The following PHACTR2 variants were observed in gnomAD, a reference collection of about 807,000 sequenced individuals.
The protein encoded by PHACTR2 is chromosome 6 open reading frame 56.
PHACTR2 carries 30 observed loss-of-function variants against 76.0 expected under a neutral mutation model. The observed-to-expected ratio is 0.39, with a 90% CI of 0.30 to 0.54. The LOEUF (loss-of-function observed/expected upper bound fraction) is 0.54. Ranked by LOEUF, PHACTR2 falls within the 20% of genes least tolerant of loss-of-function variation. The pLI, the probability that PHACTR2 is intolerant of heterozygous loss-of-function variation, is 0.61. For synonymous variants in PHACTR2, 292 were observed against 292.5 expected, an observed-to-expected ratio of 1.00 and a Z score of 0.02; for missense variants, 696 against 781.1, an observed-to-expected ratio of 0.89 and a Z score of 1.30.
rs34363540 is a variant in PHACTR2 at position 143,678,453 on chromosome 6, G to GT, written c.46+250dup. Among the ~76,000 whole-genome samples, 39,352 of 152,164 alleles carry GT rather than the reference G, an allele frequency of 0.26. 5,118 individuals carry two copies. The highest frequency in any genetic ancestry group is 0.37 in the Middle Eastern group (108 of 294). On this transcript the variant is annotated intron_variant, in intron 1 of 12. Transcript: ENST00000440869. This position sits in a 1 kb window ranked among gnomAD's most constrained non-coding sequence, Gnocchi z 6.2. ...TTTCTGTGCGCGATGCCTCGCTGTG[G>GT]TTTTTTATCCAAATTATTTCGGAGC...
At position 143,740,212 on chromosome 6, in the gene PHACTR2, T is replaced by G. The variant is rs536051540; in HGVS notation, c.215-8773T>G. On this transcript the variant is annotated intron_variant, in intron 2 of 12. Coordinates refer to ENST00000440869, the MANE Select transcript of PHACTR2 (RefSeq NM_001100164.2). ...CATTTGTAAACTGTCATAGCGCTGG[T>G]GGGAGTGTAGCAGTGAGGATGAACA... Among the ~76,000 whole-genome samples, 14 of 152,260 alleles carry G rather than the reference T, an allele frequency of 9.2e-5. No individual in the cohort carries two copies. In the South Asian group the frequency reaches 2.9e-3, roughly 32 times the overall value.
chr6:143,543,227 T>C lies in PHACTR2; in HGVS notation c.217+6020T>C, dbSNP rs570387716. ...TTACTTAAACTAGTTAAGCTCTAGT[T>C]TGTGTCAGTACCTCAGTGGCAGCTC... is the stretch of plus-strand genomic sequence containing the variant. On this transcript the variant is annotated intron_variant, in intron 1 of 11. Transcript: ENST00000367584. This position sits in a 1 kb window ranked among gnomAD's most constrained non-coding sequence, Gnocchi z 4.7. Among the ~76,000 whole-genome samples the C allele has an allele frequency of 6.6e-6, 1 of 152,310 alleles. No homozygotes were observed.
intron 10 of PHACTR2, among the ~76,000 whole-genome samples, chr6:143,786,070 T>G (rs1416424553): frequency 6.6e-6 from 1 of 152,216 alleles, no homozygotes; most frequent in African/African-American, 2.4e-5. Context: ...AAAAAATGGG[T>G]TCTTTTCTGC....
At position 143,828,316 on chromosome 6, in the gene PHACTR2, A is replaced by G. The variant is rs1314493605; in HGVS notation, c.*4627A>G. On this transcript the variant is annotated 3_prime_UTR_variant, in exon 13 of 13. Transcript: ENST00000440869. The surrounding 1 kb of genome is among the most constrained non-coding windows in gnomAD (Gnocchi z 4.7). The stretch of plus-strand genomic sequence containing the variant: ...AAGAAGTAGCACTGGGCTCTACTGT[A>G]AAGGCAGGCAGTGACCAAGAGGTGG... The G allele has an allele frequency of 6.6e-6, 1 of 152,204 alleles. No individual in the cohort carries two copies. The highest frequency in any genetic ancestry group is 1.5e-5 in the Non-Finnish European group (1 of 68,042). 9.4% of individuals were successfully genotyped at this position (152,204 alleles called of 1,614,324 possible).
Position 143,616,977 on chromosome 6 carries a change from G to A in PHACTR2, c.13+8655G>A, listed in dbSNP as rs1263568627. On this transcript the variant is annotated intron_variant, in intron 1 of 11. Transcript: ENST00000305766. The surrounding 1 kb of genome is among the most constrained non-coding windows in gnomAD (Gnocchi z 4.9). ...GTCTGGGGCCTGATGAGAGGTAGGG[G>A]CCTCAGACCAATCAGGGAGGGCCTT... Among the ~76,000 whole-genome samples the A allele has an allele frequency of 6.6e-6, 1 of 152,156 alleles. No homozygotes were observed. The highest frequency in any genetic ancestry group is 1.5e-5 in the Non-Finnish European group (1 of 68,032).
rs1023029910 is a variant in PHACTR2 at position 143,828,604 on chromosome 6, G to A, written c.*4915G>A. The stretch of plus-strand genomic sequence containing the variant: ...TCCCACCTAAAGCCAACCCTATAAG[G>A]ATGGGTCATTTTTTAGCCATGCTAG... On this transcript the variant is annotated 3_prime_UTR_variant, in exon 13 of 13. Transcript: ENST00000440869. This position sits in a 1 kb window ranked among gnomAD's most constrained non-coding sequence, Gnocchi z 4.7. 2 of 152,120 alleles carry A rather than the reference G, an allele frequency of 1.3e-5. No individual in the cohort carries two copies. Among genetic ancestry groups the A allele is most frequent in the African/African-American group, 2.4e-5 (1 of 41,416 alleles). The allele number at this position is 152,120 out of a possible 1,614,324, so 9.4% of individuals were successfully genotyped here. A position where few individuals can be genotyped will look rare whatever the true frequency, so the allele number is the denominator to read the frequency against.
intron 12 of PHACTR2, among the ~76,000 whole-genome samples, chr6:143,808,819 C>G (rs796178037): frequency 6.6e-6 from 1 of 152,280 alleles, no homozygotes; most frequent in South Asian, 2.1e-4. Flanking sequence ...TCATAATCTA[C>G]TCTGAGACCA....
intron 1 of PHACTR2, among the ~76,000 whole-genome samples, chr6:143,563,478 C>T (rs1775309669): frequency 6.8e-6 from 1 of 147,318 alleles, no homozygotes; most frequent in Admixed American, 7.0e-5. Context: ...ATTATTTGAA[C>T]CCGGGAGGTG....
In PHACTR2 at chr6:143,709,890, T is replaced by C. The variant is rs1276819650; in HGVS notation, c.47-2126T>C. Among the ~76,000 whole-genome samples the C allele has an allele frequency of 1.3e-5, 2 of 152,150 alleles. No individual in the cohort carries two copies. Among genetic ancestry groups the C allele is most frequent in the African/African-American group, 4.8e-5 (2 of 41,434 alleles). ...TGACACTGTGGAAGATGCTTCATTA[T>C]CAGCCACCAGGCATAAAGGTGCTAG... On this transcript the variant is annotated intron_variant, in intron 1 of 12. Transcript: ENST00000440869. The surrounding 1 kb of genome is among the most constrained non-coding windows in gnomAD (Gnocchi z 4.4).
At chr6:143,676,523 A>C (rs1280488894), upstream of PHACTR2, among the ~76,000 whole-genome samples, 2 of 152,198 alleles carry the variant, frequency 1.3e-5, no homozygotes, top group East Asian at 1.9e-4. The surrounding 1 kb of genome is among the most constrained non-coding windows in gnomAD (Gnocchi z 4.8). Context: ...TCTCCCTCTT[A>C]ACTTACCTTT....
In PHACTR2 at chr6:143,765,881, G is replaced by A; in HGVS notation, c.1232+83G>A. 8.3e-7 allele frequency: 1 copy of A among 1,211,784 alleles called. No individual in the cohort carries two copies. Among genetic ancestry groups the A allele is most frequent in the Non-Finnish European group, 1.2e-6 (1 of 862,008 alleles). 75.1% of individuals were successfully genotyped at this position (1,211,784 alleles called of 1,614,324 possible). A position where few individuals can be genotyped will look rare whatever the true frequency, so the allele number is the denominator to read the frequency against. On this transcript the variant is annotated intron_variant, in intron 6 of 12. Coordinates refer to ENST00000440869, the MANE Select transcript of PHACTR2 (RefSeq NM_001100164.2). The surrounding 1 kb of genome is among the most constrained non-coding windows in gnomAD (Gnocchi z 4.1). ...CTGTTGGAAATGAAGCACCGGGTTT[G>A]CTTTCTTATATAATTTAATCTACTG...
chr6:143,617,335 C>T lies in PHACTR2; in HGVS notation c.13+9013C>T, dbSNP rs1056626514. Among the ~76,000 whole-genome samples the T allele has an allele frequency of 2.0e-5, 3 of 152,204 alleles. No individual in the cohort carries two copies. Among genetic ancestry groups the T allele is most frequent in the African/African-American group, 7.2e-5 (3 of 41,450 alleles). ...TTACTCTCCAGTTGAGTCTTCCCTT[C>T]CCAACCAGATTTAAAAGTCTTGAGG... is the stretch of plus-strand genomic sequence containing the variant. On this transcript the variant is annotated intron_variant, in intron 1 of 11. Coordinates refer to the PHACTR2 transcript ENST00000305766. This position sits in a 1 kb window ranked among gnomAD's most constrained non-coding sequence, Gnocchi z 4.8.
upstream of PHACTR2, among the ~76,000 whole-genome samples, chr6:143,603,561 AAC>A (rs1775837098): frequency 2.0e-5 from 3 of 152,308 alleles, no homozygotes; most frequent in East Asian, 5.8e-4. Flanking sequence ...CAGAATAGAA[AAC>A]AGTCATGTCA....
At position 143,671,607 on chromosome 6, in the gene PHACTR2, G is replaced by A. The variant is rs1295845163; in HGVS notation, c.14-40409G>A. Among the ~76,000 whole-genome samples, 1 of 152,168 alleles carries A rather than the reference G, an allele frequency of 6.6e-6. No individual in the cohort carries two copies. Among genetic ancestry groups the A allele is most frequent in the African/African-American group, 2.4e-5 (1 of 41,434 alleles). The stretch of plus-strand genomic sequence containing the variant: ...CTTATTTTCTGTCATTCCATTAGAA[G>A]GGAAGCTCTATGAGTGCAGGTGTTT... On this transcript the variant is annotated intron_variant, in intron 1 of 11. Transcript: ENST00000305766. This position sits in a 1 kb window ranked among gnomAD's most constrained non-coding sequence, Gnocchi z 4.6.
Position 143,704,600 on chromosome 6 carries a change from T to C in PHACTR2, c.47-7416T>C, listed in dbSNP as rs543219572. Among the ~76,000 whole-genome samples, 247 of 152,356 alleles carry C rather than the reference T, an allele frequency of 1.6e-3. 1 individual carries two copies. Among genetic ancestry groups the C allele is most frequent in the South Asian group, 0.011 (52 of 4,832 alleles). ...GAAAAAATGGTACAGAGAGATCTTA[T>C]ATCAGCATGATACATTTGTTACAAC... On this transcript the variant is annotated intron_variant, in intron 1 of 12. Transcript: ENST00000440869.
chr6:143,758,291 A>G (rs1479284223), intron 4 of PHACTR2, among the ~76,000 whole-genome samples: 3 of 152,172 alleles, frequency 2.0e-5, no homozygotes, highest in Non-Finnish European at 4.4e-5. Context: ...AGTTTGTGGT[A>G]TATAAGAGAA....
rs151288590 is a variant in PHACTR2, at chr6:143,543,294, G to A, written c.217+6087G>A. Reference sequence around the variant, plus strand: ...GCCGTGGATTTATTCTGGCCCCTACGTACTGATGAAGATGCTGTAGGCAAG... The same window carrying A: ...GCCGTGGATTTATTCTGGCCCCTACATACTGATGAAGATGCTGTAGGCAAG... On this transcript the variant is annotated intron_variant, in intron 1 of 11. Coordinates refer to the PHACTR2 transcript ENST00000367584. This position sits in a 1 kb window ranked among gnomAD's most constrained non-coding sequence, Gnocchi z 4.7. Among the ~76,000 whole-genome samples, 12 of 152,304 alleles carry A rather than the reference G, an allele frequency of 7.9e-5. No homozygotes were observed. Among genetic ancestry groups the A allele is most frequent in the East Asian group, 3.9e-4 (2 of 5,188 alleles).
intron 2 of PHACTR2, among the ~76,000 whole-genome samples, chr6:143,725,947 T>C (rs530566762): frequency 8.5e-5 from 13 of 152,348 alleles, no homozygotes; most frequent in African/African-American, 3.1e-4. Context: ...GTATTCATCA[T>C]TCCATTTTTT....
rs371162730 is a variant in PHACTR2 at position 143,789,456 on chromosome 6, T to G, written c.1845+546T>G. ...AACAGATGGTGGGCCAAATTTGACC[T>G]GCAGGTCAGGCTTACCAACCCCTAA... On this transcript the variant is annotated intron_variant, in intron 11 of 12. Transcript: ENST00000440869. The surrounding 1 kb of genome is among the most constrained non-coding windows in gnomAD (Gnocchi z 5.1). 2 of 152,448 alleles carry G rather than the reference T, an allele frequency of 1.3e-5. No homozygotes were observed. Among genetic ancestry groups the G allele is most frequent in the South Asian group, 4.1e-4 (2 of 4,846 alleles). The allele number at this position is 152,448 out of a possible 1,614,324, so 9.4% of individuals were successfully genotyped here.
Sources: gnomAD v4.1 joint callset for allele counts (sites outside exome capture counted in the v4.1 genomes callset) on GRCh38, gnomAD v4.1.1 for gene constraint, Gnocchi (gnomAD v3.1) non-coding constraint, MANE v1.5 for transcripts, NCBI Gene and HGNC (gene_info 2026-07-23, HGNC 2026-07-21) for gene names.